Variants in CPA6 observed in about 807,000 individuals in gnomAD.
CPA6 encodes the protein carboxypeptidase A6, also known as carboxypeptidase B.
A neutral mutation model predicts 63.3 loss-of-function variants in CPA6; 58 were observed. The observed-to-expected ratio is 0.92, with a 90% CI of 0.74 to 1.14. The LOEUF is 1.14. Among genes scored for constraint, CPA6 ranks in the 50% most tolerant of loss-of-function variants. The pLI is 0.00. For missense variants in CPA6, 565 were observed against 526.6 expected (o/e 1.07, Z -0.71); for synonymous variants, 185 against 179.0 (o/e 1.03, Z -0.27).
At chr8:67,572,909 T>C (rs1443132978) in intron 2 of CPA6, among the ~76,000 whole-genome samples, 1 of 152,166 alleles carries the variant, frequency 6.6e-6, no homozygotes. Flanking sequence ...AACTCAACAG[T>C]GCATTAGAAG....
At chr8:67,461,790 C>T (rs925348936) in intron 8 of CPA6, among the ~76,000 whole-genome samples, 4 of 152,238 alleles carry the variant, frequency 2.6e-5, no homozygotes, top group East Asian at 3.9e-4. Flanking sequence ...CCTCACCTCC[C>T]GGACGGGGCG....
intron 2 of CPA6, among the ~76,000 whole-genome samples, chr8:67,532,834 T>A (rs879562326): frequency 1.3e-5 from 2 of 152,196 alleles, no homozygotes; most frequent in Admixed American, 1.3e-4. Flanking sequence ...AAATTCACCT[T>A]TTATTGCTCT....
intron 1 of CPA6, among the ~76,000 whole-genome samples, chr8:67,683,399 G>C (rs1482884409): frequency 6.6e-6 from 1 of 151,772 alleles, no homozygotes; most frequent in African/African-American, 2.4e-5. Flanking sequence ...CTATCCTCAG[G>C]CTCTGCTATT....
Position 67,459,426 on chromosome 8 carries a change from T to C in CPA6, c.838+24342A>G, listed in dbSNP as rs573769825. Reference sequence around the variant, plus strand: ...GGTACATGCAGGGAATGGAGTATTATTCAGCACTAAAAAGGAATGAGCTAT... The same window carrying C: ...GGTACATGCAGGGAATGGAGTATTACTCAGCACTAAAAAGGAATGAGCTAT... On this transcript the variant is annotated intron_variant, in intron 8 of 10. Coordinates refer to ENST00000297770, the MANE Select transcript of CPA6 (RefSeq NM_020361.5). Among the ~76,000 whole-genome samples the C allele has an allele frequency of 3.3e-4, 51 of 152,342 alleles. 1 individual carries two copies. The highest frequency in any genetic ancestry group is 5.2e-4 in the Admixed American group (8 of 15,306).
intron 1 of CPA6, among the ~76,000 whole-genome samples, chr8:67,717,406 C>T (rs973347328): frequency 1.3e-5 from 2 of 152,150 alleles, no homozygotes; most frequent in African/African-American, 4.8e-5. Context: ...CTGCTTTAAT[C>T]CTTATTGTTT....
chr8:67,715,103 C>T (rs942619710), intron 1 of CPA6, among the ~76,000 whole-genome samples: 3 of 151,830 alleles, frequency 2.0e-5, no homozygotes, highest in Non-Finnish European at 2.9e-5. Flanking sequence ...TTTTTTTTCC[C>T]GATACAAACC....
intron 1 of CPA6, among the ~76,000 whole-genome samples, chr8:67,727,460 G>T (rs1253653324): frequency 6.6e-6 from 1 of 152,140 alleles, no homozygotes; most frequent in African/African-American, 2.4e-5. Context: ...AACCCCCACA[G>T]GGAGAGGCTG....
intron 1 of CPA6, among the ~76,000 whole-genome samples, chr8:67,720,169 G>A (rs145417835): frequency 0.017 from 2,501 of 151,528 alleles, 71 homozygotes; most frequent in African/African-American, 0.058. Flanking sequence ...AGTGGGGGTC[G>A]CAAGGTGCTC....
intron 2 of CPA6, among the ~76,000 whole-genome samples, chr8:67,608,491 A>G (rs778452386): frequency 9.9e-5 from 15 of 152,148 alleles, no homozygotes; most frequent in Non-Finnish European, 8.8e-5. Flanking sequence ...CTCCCCATCC[A>G]TCTTGCTGAG....
intron 1 of CPA6, among the ~76,000 whole-genome samples, chr8:67,703,156 G>A (rs2553651): frequency 0.28 from 42,408 of 151,978 alleles, 6,236 homozygotes; most frequent in South Asian, 0.35. Context: ...TTGGCTGGAG[G>A]TGTTCAATCC....
At chr8:67,455,080 A>C (rs549197411) in intron 8 of CPA6, among the ~76,000 whole-genome samples, 13 of 152,142 alleles carry the variant, frequency 8.5e-5, no homozygotes, top group African/African-American at 2.9e-4. Context: ...AAAATAAAGG[A>C]CAACAAAGAA....
rs1162086045 is a variant in CPA6, at chr8:67,476,551, C to CTTT, written c.838+7216_838+7217insAAA. Among the ~76,000 whole-genome samples the CTTT allele has an allele frequency of 7.6e-3, 925 of 121,064 alleles. 8 individuals are homozygous for CTTT. The highest frequency in any genetic ancestry group is 0.038 in the African/African-American group (882 of 23,308). 79.4% of individuals were successfully genotyped at this position (121,064 alleles called of 152,430 possible). A position where few individuals can be genotyped will look rare whatever the true frequency, so the allele number is the denominator to read the frequency against. On this transcript the variant is annotated intron_variant, in intron 8 of 10. Coordinates refer to ENST00000297770, the MANE Select transcript of CPA6 (RefSeq NM_020361.5). The stretch of plus-strand genomic sequence containing the variant: ...ATACATTCCCAATCTCTCTCTCTCT[C>CTTT]TCTTTTTTTTTTTTTGTCTATTTCA...
chr8:67,686,652 G>A (rs1469232461), intron 1 of CPA6, among the ~76,000 whole-genome samples: 1 of 152,150 alleles, frequency 6.6e-6, no homozygotes, highest in African/African-American at 2.4e-5. Context: ...TTCAATTTTT[G>A]TGTTTACATG....
chr8:67,470,638 G>T (rs568289909), intron 8 of CPA6, among the ~76,000 whole-genome samples: 1 of 152,016 alleles, frequency 6.6e-6, no homozygotes, highest in Non-Finnish European at 1.5e-5. Flanking sequence ...TGTAATGTTT[G>T]ATTCTGAAGT....
At position 67,595,449 on chromosome 8, in the gene CPA6, T is replaced by G. The variant is rs1388389242; in HGVS notation, c.192+28727A>C. ...GGACATTTTAGTCTGCAGAGGTTAC[T>G]GCTGTCTTTTTGTTTGTCTGTGCCC... On this transcript the variant is annotated intron_variant, in intron 2 of 10. Coordinates refer to ENST00000297770, the MANE Select transcript of CPA6 (RefSeq NM_020361.5). Among the ~76,000 whole-genome samples the G allele has an allele frequency of 2.6e-5, 4 of 152,228 alleles. No individual in the cohort carries two copies. The South Asian group carries it at 8.3e-4, about 32-fold the overall frequency.
chr8:67,671,169 T>C (rs1441432670), intron 1 of CPA6, among the ~76,000 whole-genome samples: 1 of 152,224 alleles, frequency 6.6e-6, no homozygotes, highest in Non-Finnish European at 1.5e-5. Flanking sequence ...TCGTCAGCCT[T>C]GAGAACAATC....
intron 1 of CPA6, among the ~76,000 whole-genome samples, chr8:67,628,761 A>G (rs1815251014): frequency 1.3e-5 from 2 of 152,224 alleles, no homozygotes; most frequent in African/African-American, 4.8e-5. Flanking sequence ...AACAGAACCG[A>G]TTTTACCATA....
chr8:67,574,376 C>CAAAAAAA (rs1181267622), intron 2 of CPA6, among the ~76,000 whole-genome samples: 1 of 65,232 alleles, frequency 1.5e-5, no homozygotes, highest in Non-Finnish European at 3.4e-5. Context: ...GACTCTGTCT[C>CAAAAAAA]AAAAAAAAAA....
At chr8:67,471,546 C>G (rs568866850) in intron 8 of CPA6, among the ~76,000 whole-genome samples, 3 of 151,478 alleles carry the variant, frequency 2.0e-5, no homozygotes, top group African/African-American at 7.3e-5. Context: ...TTTTTTGGCA[C>G]CTTCTGTGTT....
Sources: allele counts gnomAD v4.1 joint callset (sites outside exome capture counted in the v4.1 genomes callset), GRCh38; gene constraint gnomAD v4.1.1; transcripts MANE v1.5; gene names NCBI Gene and HGNC (gene_info 2026-07-23, HGNC 2026-07-21).